HSBP1: variants seen among roughly 807,000 people sequenced by gnomAD.
HSBP1 encodes heat shock factor-binding protein 1.
In HSBP1, 5 loss-of-function variants were observed where a neutral mutation model predicts 9.6. The ratio of observed to expected loss-of-function variants is 0.52; its 90% CI spans 0.27 to 1.09. The LOEUF is 1.09. Among genes scored for constraint, HSBP1 ranks in the 50% least tolerant of loss-of-function variants. The probability of loss-of-function intolerance (pLI) is 0.11; values close to 1 mark genes in which losing one functional copy is unlikely to be tolerated. For missense variants in HSBP1, 121 were observed against 96.3 expected, an observed-to-expected ratio of 1.26 and a Z score of -1.07; for synonymous variants, 42 against 33.3, an observed-to-expected ratio of 1.26 and a Z score of -0.90.
chr16:83,809,694 C>T (rs1904556844), intron 3 of HSBP1, among the ~76,000 whole-genome samples: 1 of 151,974 alleles, frequency 6.6e-6, no homozygotes, highest in South Asian at 2.1e-4. Context: ...GTCTCGAATT[C>T]TGACCTTGAG....
At chr16:83,809,056 T>A in intron 2 of HSBP1, 2 of 548,560 alleles carry the variant, frequency 3.6e-6, no homozygotes. Flanking sequence ...GTTGTAGTGT[T>A]ATCATCTTTA....
At chr16:83,808,555 A>T in intron 1 of HSBP1, 125 bp from the exon 2 acceptor site, 1 of 675,248 alleles carries the variant, frequency 1.5e-6, no homozygotes. Flanking sequence ...ATCTTGCTGA[A>T]GGCCGCACAG....
At position 83,819,072 on chromosome 16, in the gene HSBP1, A is replaced by G. The variant is rs1904782585; in HGVS notation, c.*7654A>G. On this transcript the variant is annotated 3_prime_UTR_variant, in exon 4 of 4. Transcript: ENST00000433866. Reference sequence around the variant, plus strand: ...AGGCGATTCTGAGAGTGAGAGAGCCAGGGCCTTCGGGCATCAACCTTGGGG... The same window carrying G: ...AGGCGATTCTGAGAGTGAGAGAGCCGGGGCCTTCGGGCATCAACCTTGGGG... 6.6e-6 allele frequency: 1 copy of G among 151,968 alleles called. No individual in the cohort carries two copies. Among genetic ancestry groups the G allele is most frequent in the Non-Finnish European group, 1.5e-5 (1 of 68,018 alleles). The allele number at this position is 151,968 out of a possible 1,614,324, so 9.4% of individuals were successfully genotyped here.
At position 83,815,422 on chromosome 16, in the gene HSBP1, G is replaced by A. The variant is rs1904696499; in HGVS notation, c.*4004G>A. 6.6e-6 allele frequency: 1 copy of A among 151,844 alleles called. No individual in the cohort carries two copies. Among genetic ancestry groups the A allele is most frequent in the African/African-American group, 2.4e-5 (1 of 41,298 alleles). The allele number at this position is 151,844 out of a possible 1,614,324, so 9.4% of individuals were successfully genotyped here. ...AGCTACTCAGGAGGCTGAGGTGGGA[G>A]GATCATTTGAGCCCAGGAAGTCGAG... On this transcript the variant is annotated 3_prime_UTR_variant, in exon 4 of 4. Coordinates refer to ENST00000433866, the MANE Select transcript of HSBP1 (RefSeq NM_001537.4).
rs1271842869 is a variant in HSBP1, at chr16:83,817,293, CATTCA to C, written c.*5883_*5887del. ...CAGGGCTTTGACCCCCGTTACCTGGCATTCAATTCAATCCATGTGTCACGCATGCC... is the reference window on the plus strand; with the variant it reads ...CAGGGCTTTGACCCCCGTTACCTGGCATTCAATCCATGTGTCACGCATGCC... On this transcript the variant is annotated 3_prime_UTR_variant, in exon 4 of 4. Transcript: ENST00000433866. The C allele has an allele frequency of 1.3e-5, 2 of 152,264 alleles. No homozygotes were observed. The highest frequency in any genetic ancestry group is 2.9e-5 in the Non-Finnish European group (2 of 68,046). 9.4% of individuals were successfully genotyped at this position (152,264 alleles called of 1,614,324 possible).
chr16:83,808,443 CG>C (rs1160165021), intron 1 of HSBP1: 1 of 568,944 alleles, frequency 1.8e-6, no homozygotes, highest in African/African-American at 1.9e-5. Context: ...TGCCCCAGCC[CG>C]GCAGAAACAA....
At position 83,814,765 on chromosome 16, in the gene HSBP1, A is replaced by ATCAG. The variant is rs1365696522; in HGVS notation, c.*3349_*3352dup. The ATCAG allele has an allele frequency of 1.3e-5, 2 of 152,252 alleles. No homozygotes were observed. Among genetic ancestry groups the ATCAG allele is most frequent in the Non-Finnish European group, 2.9e-5 (2 of 68,042 alleles). 9.4% of individuals were successfully genotyped at this position (152,252 alleles called of 1,614,324 possible). On this transcript the variant is annotated 3_prime_UTR_variant, in exon 4 of 4. Transcript: ENST00000433866. ...GCTGGTAGAAAATGTGTGCTCCTGG[A>ATCAG]TCAGTGCCTTTTTTCTCCTAAATCA...
chr16:83,809,271 A>T, intron 2 of HSBP1, 34 bp from the exon 3 acceptor site: 2 of 1,324,984 alleles, frequency 1.5e-6, no homozygotes, highest in South Asian at 1.3e-5. Flanking sequence ...AGGCTCAATG[A>T]GATGTTGGCA....
chr16:83,811,886 G>C lies in HSBP1; in HGVS notation c.*468G>C, dbSNP rs1229942671. On this transcript the variant is annotated 3_prime_UTR_variant, in exon 4 of 4. Coordinates refer to ENST00000433866, the MANE Select transcript of HSBP1 (RefSeq NM_001537.4). Reference sequence around the variant, plus strand: ...GTGACTGTTGAGCTAACACCAAATAGTGTGTTGGCAATACTTTTCAAATGG... The same window carrying C: ...GTGACTGTTGAGCTAACACCAAATACTGTGTTGGCAATACTTTTCAAATGG... The C allele has an allele frequency of 1.3e-5, 2 of 152,218 alleles. No homozygotes were observed. Among genetic ancestry groups the C allele is most frequent in the Admixed American group, 1.3e-4 (2 of 15,282 alleles). 9.4% of individuals were successfully genotyped at this position (152,218 alleles called of 1,614,324 possible). A position where few individuals can be genotyped will look rare whatever the true frequency, so the allele number is the denominator to read the frequency against.
rs1904682008 is a variant in HSBP1, at chr16:83,814,816, G to A, written c.*3398G>A. 6.6e-6 allele frequency: 1 copy of A among 152,176 alleles called. No homozygotes were observed. Among genetic ancestry groups the A allele is most frequent in the Non-Finnish European group, 1.5e-5 (1 of 68,046 alleles). 9.4% of individuals were successfully genotyped at this position (152,176 alleles called of 1,614,324 possible). ...GTTGAGAACAACAACAGAAACAAAT[G>A]ACATTCCTCAAACATTTGCCCAGAG... On this transcript the variant is annotated 3_prime_UTR_variant, in exon 4 of 4. Transcript: ENST00000433866.
In HSBP1 at chr16:83,811,922, C is replaced by T. The variant is rs1352678251; in HGVS notation, c.*504C>T. On this transcript the variant is annotated 3_prime_UTR_variant, in exon 4 of 4. Coordinates refer to ENST00000433866, the MANE Select transcript of HSBP1 (RefSeq NM_001537.4). The stretch of plus-strand genomic sequence containing the variant: ...ATACTTTTCAAATGGCTGAAAACAC[C>T]TAAAAATTGTTCATTCAGAAATATC... The T allele has an allele frequency of 6.6e-6, 1 of 152,326 alleles. No individual in the cohort carries two copies. Among genetic ancestry groups the T allele is most frequent in the African/African-American group, 2.4e-5 (1 of 41,438 alleles). 9.4% of individuals were successfully genotyped at this position (152,326 alleles called of 1,614,324 possible).
rs144809686 is a variant in HSBP1 at position 83,814,651 on chromosome 16, T to C, written c.*3233T>C. The C allele has an allele frequency of 2.0e-5, 3 of 152,370 alleles. No individual in the cohort carries two copies. The highest frequency in any genetic ancestry group is 2.0e-4 in the Admixed American group (3 of 15,300). The allele number at this position is 152,370 out of a possible 1,614,324, so 9.4% of individuals were successfully genotyped here. A position where few individuals can be genotyped will look rare whatever the true frequency, so the allele number is the denominator to read the frequency against. On this transcript the variant is annotated 3_prime_UTR_variant, in exon 4 of 4. Coordinates refer to ENST00000433866, the MANE Select transcript of HSBP1 (RefSeq NM_001537.4). ...ATCTCAAAATTTACTTTCAAAAGGC[T>C]GATGGAGTGTTTTCAATTAAACATG...
intron 3 of HSBP1, among the ~76,000 whole-genome samples, chr16:83,810,467 A>T (rs1455556902): frequency 6.9e-6 from 1 of 144,656 alleles, no homozygotes; most frequent in Non-Finnish European, 1.5e-5. Flanking sequence ...CGGAGGTTGC[A>T]GTCGAGGTCA....
In HSBP1 at chr16:83,817,005, T is replaced by G. The variant is rs914805287; in HGVS notation, c.*5587T>G. On this transcript the variant is annotated 3_prime_UTR_variant, in exon 4 of 4. Transcript: ENST00000433866. ...TGGTTAAATCGGAATTAGCTGACTG[T>G]CAACCTTGGTGGCACATTAGAATCA... 1 of 152,214 alleles carries G rather than the reference T, an allele frequency of 6.6e-6. No individual in the cohort carries two copies. Among genetic ancestry groups the G allele is most frequent in the Admixed American group, 6.5e-5 (1 of 15,272 alleles). 9.4% of individuals were successfully genotyped at this position (152,214 alleles called of 1,614,324 possible).
Position 83,816,734 on chromosome 16 carries a change from C to G in HSBP1, c.*5316C>G, listed in dbSNP as rs143046207. 2 of 152,320 alleles carry G rather than the reference C, an allele frequency of 1.3e-5. No individual in the cohort carries two copies. Among genetic ancestry groups the G allele is most frequent in the African/African-American group, 4.8e-5 (2 of 41,560 alleles). 9.4% of individuals were successfully genotyped at this position (152,320 alleles called of 1,614,324 possible). A position where few individuals can be genotyped will look rare whatever the true frequency, so the allele number is the denominator to read the frequency against. ...ACAACCCTCACCCCAAAGAGTGGCA[C>G]AGCCCCAAGTGTCAACAGTGCTGAG... On this transcript the variant is annotated 3_prime_UTR_variant, in exon 4 of 4. Transcript: ENST00000433866.
Position 83,819,567 on chromosome 16 carries a change from A to G in HSBP1, c.*8149A>G, listed in dbSNP as rs1055117167. ...AGCAATTTGCTTCTTATTAAAATGT[A>G]CTTCAGTAAAAAATCATTTCAACTC... On this transcript the variant is annotated 3_prime_UTR_variant, in exon 4 of 4. Transcript: ENST00000433866. The G allele has an allele frequency of 2.0e-5, 3 of 151,772 alleles. No homozygotes were observed. The highest frequency in any genetic ancestry group is 2.9e-5 in the Non-Finnish European group (2 of 68,028). 9.4% of individuals were successfully genotyped at this position (151,772 alleles called of 1,614,324 possible). A position where few individuals can be genotyped will look rare whatever the true frequency, so the allele number is the denominator to read the frequency against.
Position 83,819,241 on chromosome 16 carries a change from CG to C in HSBP1, c.*7828del, listed in dbSNP as rs1904786477. 1 of 152,096 alleles carries C rather than the reference CG, an allele frequency of 6.6e-6. No homozygotes were observed. 9.4% of individuals were successfully genotyped at this position (152,096 alleles called of 1,614,324 possible). ...AGATCCTGATTCAGAATATCTGGGACGGGGGCTGGAGATTCATATTTTTAAT... is the reference window on the plus strand; with the variant it reads ...AGATCCTGATTCAGAATATCTGGGACGGGGCTGGAGATTCATATTTTTAAT... On this transcript the variant is annotated 3_prime_UTR_variant, in exon 4 of 4. Transcript: ENST00000433866.
chr16:83,810,950 G>A (rs563937257), intron 3 of HSBP1, among the ~76,000 whole-genome samples: 32 of 152,322 alleles, frequency 2.1e-4, no homozygotes, highest in Non-Finnish European at 4.0e-4. Flanking sequence ...ACAGATTTGG[G>A]ATGTTGAAGA....
At chr16:83,809,052 G>C (rs1904533893) in intron 2 of HSBP1, 1 of 550,222 alleles carries the variant, frequency 1.8e-6, no homozygotes, top group Admixed American at 3.3e-5. Flanking sequence ...GTGGGTTGTA[G>C]TGTTATCATC....
Sources: gnomAD v4.1 joint callset for allele counts (sites outside exome capture counted in the v4.1 genomes callset) on GRCh38, gnomAD v4.1.1 for gene constraint, MANE v1.5 for transcripts, NCBI Gene and HGNC (gene_info 2026-07-23, HGNC 2026-07-21) for gene names.